Variants in ADAMTS3 observed in about 807,000 individuals in gnomAD.
ADAMTS3 encodes ADAM metallopeptidase with thrombospondin type 1 motif 3.
In ADAMTS3, 73 loss-of-function variants were observed where a neutral mutation model predicts 129.0. That is an observed-to-expected ratio of 0.57 (90% confidence interval 0.47 to 0.69). The LOEUF is 0.69. Among genes scored for constraint, ADAMTS3 ranks in the 30% least tolerant of loss-of-function variants. ADAMTS3 has a pLI of 0.00. For missense variants in ADAMTS3, 1,457 were observed against 1,514.5 expected, an observed-to-expected ratio of 0.96 and a Z score of 0.63; for synonymous variants, 477 against 510.8, an observed-to-expected ratio of 0.93 and a Z score of 0.89.
At chr4:72,414,687 A>C in intron 4 of ADAMTS3, 128 bp downstream of exon 4, 1 of 666,144 alleles carries the variant, frequency 1.5e-6, no homozygotes, top group Non-Finnish European at 2.2e-6. Flanking sequence ...TTATAAATGT[A>C]AACTTCTTTT....
At chr4:72,285,769 CAAAAA>C (rs5859311) in intron 21 of ADAMTS3, among the ~76,000 whole-genome samples, 1 of 93,670 alleles carries the variant, frequency 1.1e-5, no homozygotes. Context: ...AGCTTACAGG[CAAAAA>C]AAAAAAAAAA....
intron 3 of ADAMTS3, among the ~76,000 whole-genome samples, chr4:72,544,288 C>T (rs1160741140): frequency 6.6e-6 from 1 of 151,884 alleles, no homozygotes; most frequent in African/African-American, 2.4e-5. Flanking sequence ...TTTTTCTTTG[C>T]AATTTTATTG....
chr4:72,392,290 G>A (rs551454190), intron 4 of ADAMTS3, among the ~76,000 whole-genome samples: 1 of 152,240 alleles, frequency 6.6e-6, no homozygotes, highest in African/African-American at 2.4e-5. Context: ...GAAACAAGAG[G>A]AAGGGCAAGC....
chr4:72,308,889 A>C (rs956975821), intron 15 of ADAMTS3, among the ~76,000 whole-genome samples: 1 of 151,988 alleles, frequency 6.6e-6, no homozygotes, highest in Admixed American at 6.6e-5. Context: ...TGTTTAAAGT[A>C]AATTTTTAAA....
intron 4 of ADAMTS3, among the ~76,000 whole-genome samples, chr4:72,344,158 C>A (rs1383321544): frequency 6.6e-6 from 1 of 152,050 alleles, no homozygotes; most frequent in African/African-American, 2.4e-5. Context: ...ATAAGATTAT[C>A]AGTATCAAAT....
At chr4:72,536,135 T>C (rs1275792410) in intron 3 of ADAMTS3, among the ~76,000 whole-genome samples, 1 of 152,196 alleles carries the variant, frequency 6.6e-6, no homozygotes, top group Non-Finnish European at 1.5e-5. Context: ...ATAAGAAGTC[T>C]ATCATGGTTA....
rs922289805 is a variant in ADAMTS3 at position 72,315,098 on chromosome 4, C to T, written c.1599+760G>A. On this transcript the variant is annotated intron_variant, in intron 11 of 21. Coordinates refer to ENST00000286657, the MANE Select transcript of ADAMTS3 (RefSeq NM_014243.3). ...CCTTCCCTAAGGAACAAGGCCAAAT[C>T]TTCTGTATAAGTTCACATGACTTTA... Among the ~76,000 whole-genome samples, 12 of 152,288 alleles carry T rather than the reference C, an allele frequency of 7.9e-5. 1 individual carries two copies. In the South Asian group the frequency reaches 2.5e-3, roughly 32 times the overall value.
intron 4 of ADAMTS3, among the ~76,000 whole-genome samples, chr4:72,394,942 G>C (rs538280932): frequency 3.2e-5 from 4 of 125,368 alleles, no homozygotes; most frequent in African/African-American, 6.0e-5. Flanking sequence ...TTTTTTTTTT[G>C]GAGATGGAGT....
At chr4:72,480,462 A>G (rs529145044) in intron 3 of ADAMTS3, among the ~76,000 whole-genome samples, 9 of 151,914 alleles carry the variant, frequency 5.9e-5, no homozygotes, top group South Asian at 2.1e-4. Context: ...ACCAAACACC[A>G]CATGTTCTCA....
intron 3 of ADAMTS3, among the ~76,000 whole-genome samples, chr4:72,420,857 C>T (rs952458116): frequency 2.0e-5 from 3 of 152,020 alleles, no homozygotes; most frequent in Non-Finnish European, 4.4e-5. Context: ...AAAGTTAATG[C>T]GTTTTGTTTT....
At chr4:72,455,563 G>A (rs933615617) in intron 3 of ADAMTS3, among the ~76,000 whole-genome samples, 8 of 148,060 alleles carry the variant, frequency 5.4e-5, no homozygotes, top group Non-Finnish European at 1.0e-4. Context: ...CATGGTACGT[G>A]TATAGCTATG....
chr4:72,474,749 GGGC>G (rs1719179180), intron 3 of ADAMTS3, among the ~76,000 whole-genome samples: 1 of 152,100 alleles, frequency 6.6e-6, no homozygotes, highest in Non-Finnish European at 1.5e-5. Flanking sequence ...ATTCTAGGCC[GGGC>G]GCTGTGGCTC....
chr4:72,355,699 T>A (rs945129965), intron 4 of ADAMTS3, among the ~76,000 whole-genome samples: 1 of 152,036 alleles, frequency 6.6e-6, no homozygotes, highest in Non-Finnish European at 1.5e-5. Context: ...CTTCACCAGA[T>A]AGCGGTGTTG....
intron 4 of ADAMTS3, among the ~76,000 whole-genome samples, chr4:72,396,486 A>G (rs1701936226): frequency 6.6e-6 from 1 of 152,198 alleles, no homozygotes; most frequent in South Asian, 2.1e-4. Flanking sequence ...GATGACACCC[A>G]CACTGGATAA....
chr4:72,511,563 C>A (rs1362483960), intron 3 of ADAMTS3, among the ~76,000 whole-genome samples: 1 of 152,104 alleles, frequency 6.6e-6, no homozygotes, highest in Non-Finnish European at 1.5e-5. Context: ...AACTACAATG[C>A]GATATTATCT....
intron 4 of ADAMTS3, among the ~76,000 whole-genome samples, chr4:72,364,353 G>A (rs548967577): frequency 7.9e-5 from 12 of 152,152 alleles, no homozygotes; most frequent in African/African-American, 1.4e-4. Context: ...AGTGGCTCAC[G>A]CCTGTAATTC....
chr4:72,304,610 T>C (rs1719036771), intron 16 of ADAMTS3, among the ~76,000 whole-genome samples: 1 of 152,106 alleles, frequency 6.6e-6, no homozygotes, highest in South Asian at 2.1e-4. Context: ...CCATATCACC[T>C]ACTCATATAG....
chr4:72,567,513 G>T, intron 1 of ADAMTS3, 112 bp from the exon 2 acceptor site: 1 of 1,066,664 alleles, frequency 9.4e-7, no homozygotes, highest in Non-Finnish European at 1.4e-6. Context: ...ATCAGGAGAT[G>T]CTAGAGACTG....
At chr4:72,510,151 C>A (rs1439008077) in intron 3 of ADAMTS3, among the ~76,000 whole-genome samples, 2 of 150,794 alleles carry the variant, frequency 1.3e-5, no homozygotes, top group African/African-American at 2.4e-5. Flanking sequence ...ATATGACAGA[C>A]CCACAGCTAG....
Sources: allele counts gnomAD v4.1 joint callset (sites outside exome capture counted in the v4.1 genomes callset), GRCh38; gene constraint gnomAD v4.1.1; transcripts MANE v1.5; gene names NCBI Gene and HGNC (gene_info 2026-07-23, HGNC 2026-07-21).